MSRA: variants seen among roughly 807,000 people sequenced by gnomAD.
MSRA encodes methionine sulfoxide reductase A, also known as mitochondrial peptide methionine sulfoxide reductase.
Under a neutral mutation model 31.3 loss-of-function variants are expected in MSRA, and 54 were observed. The observed-to-expected ratio is 1.73, with a 90% CI of 1.39 to 2.17. The LOEUF (loss-of-function observed/expected upper bound fraction) is 2.17. Among genes scored for constraint, MSRA ranks in the 30% most tolerant of loss-of-function variants. MSRA has a pLI of 0.00. For synonymous variants in MSRA, 169 were observed against 116.5 expected, an observed-to-expected ratio of 1.45 and a Z score of -2.90; for missense variants, 507 against 300.9, an observed-to-expected ratio of 1.69 and a Z score of -5.07.
At chr8:10,251,643 C>T (rs1312960525) in intron 3 of MSRA, among the ~76,000 whole-genome samples, 1 of 152,104 alleles carries the variant, frequency 6.6e-6, no homozygotes, top group Non-Finnish European at 1.5e-5. Context: ...TTGACTCATA[C>T]CCTTAGGACC....
At chr8:10,109,374 C>G (rs942907332) in intron 1 of MSRA, among the ~76,000 whole-genome samples, 1 of 150,762 alleles carries the variant, frequency 6.6e-6, no homozygotes. Context: ...TGGGGTCTTA[C>G]TCTGTCACCC....
At chr8:10,096,760 T>C (rs1382780535) in intron 1 of MSRA, among the ~76,000 whole-genome samples, 2 of 152,206 alleles carry the variant, frequency 1.3e-5, no homozygotes, top group South Asian at 2.1e-4. Context: ...TGGATTGTGA[T>C]AGTTCTGTTC....
In MSRA at chr8:10,396,078, G is replaced by A. The variant is rs140565227; in HGVS notation, c.544-32070G>A. Among the ~76,000 whole-genome samples the A allele has an allele frequency of 1.7e-3, 266 of 152,218 alleles. 5 individuals carry two copies. The highest frequency in any genetic ancestry group is 6.1e-3 in the African/African-American group (252 of 41,536). Reference sequence around the variant, plus strand: ...CCCCTTCCCACAAGGGCCCTTAGAGGCACCTTTTCATCTCTCAGGCCTGAT... The same window carrying A: ...CCCCTTCCCACAAGGGCCCTTAGAGACACCTTTTCATCTCTCAGGCCTGAT... On this transcript the variant is annotated intron_variant, in intron 5 of 5. Transcript: ENST00000317173.
chr8:10,415,417 G>A (rs1242777764), intron 5 of MSRA, among the ~76,000 whole-genome samples: 2 of 152,190 alleles, frequency 1.3e-5, no homozygotes, highest in African/African-American at 4.8e-5. Context: ...GAGCCTCAGA[G>A]GCACCTGCTG....
chr8:10,306,258 T>C (rs1006211710), intron 4 of MSRA, among the ~76,000 whole-genome samples: 4 of 152,142 alleles, frequency 2.6e-5, no homozygotes, highest in South Asian at 2.1e-4. Flanking sequence ...GGGATAATAA[T>C]GTCTATACTG....
chr8:10,223,690 A>T (rs1810727631), intron 2 of MSRA, among the ~76,000 whole-genome samples: 1 of 152,218 alleles, frequency 6.6e-6, no homozygotes, highest in South Asian at 2.1e-4. Context: ...CAGAAAATGT[A>T]TTTGAGGAAA....
At chr8:10,139,035 G>C (rs1474625213) in intron 1 of MSRA, among the ~76,000 whole-genome samples, 1 of 152,136 alleles carries the variant, frequency 6.6e-6, no homozygotes. Flanking sequence ...GTTCTTTTGA[G>C]ATCTAAGATT....
chr8:10,216,408 TGTG>T (rs942681684), intron 2 of MSRA, among the ~76,000 whole-genome samples: 1 of 150,874 alleles, frequency 6.6e-6, no homozygotes, highest in African/African-American at 2.4e-5. Context: ...TTTAAAAAAT[TGTG>T]GTAACAGATA....
intron 5 of MSRA, among the ~76,000 whole-genome samples, chr8:10,350,402 C>T (rs913006703): frequency 5.9e-5 from 9 of 152,242 alleles, no homozygotes; most frequent in African/African-American, 1.9e-4. Flanking sequence ...ATGCTTCTGC[C>T]TTCGCTCATT....
At chr8:10,277,103 A>T (rs756722748) in intron 3 of MSRA, among the ~76,000 whole-genome samples, 2 of 152,222 alleles carry the variant, frequency 1.3e-5, no homozygotes, top group East Asian at 3.8e-4. Flanking sequence ...GCAGTGGATT[A>T]TAGTGGAAGG....
intron 1 of MSRA, among the ~76,000 whole-genome samples, chr8:10,063,290 T>C (rs1337704164): frequency 6.6e-6 from 1 of 152,180 alleles, no homozygotes; most frequent in African/African-American, 2.4e-5. Flanking sequence ...CTGTCTTCAC[T>C]CTCCCCTGCC....
chr8:10,316,069 C>A (rs1260229140), intron 4 of MSRA, among the ~76,000 whole-genome samples: 1 of 152,150 alleles, frequency 6.6e-6, no homozygotes, highest in South Asian at 2.1e-4. Flanking sequence ...ATATGTGGCA[C>A]CTCTGTTAAA....
At chr8:10,199,693 A>C (rs1001103596) in intron 1 of MSRA, among the ~76,000 whole-genome samples, 1 of 152,164 alleles carries the variant, frequency 6.6e-6, no homozygotes, top group Non-Finnish European at 1.5e-5. Flanking sequence ...GCAGCAGGCA[A>C]ATCATGAGAA....
chr8:10,302,475 G>A (rs7821327), intron 4 of MSRA, among the ~76,000 whole-genome samples: 30,640 of 152,124 alleles, frequency 0.2, 4,153 homozygotes, highest in East Asian at 0.64. Context: ...TCAGATTTTT[G>A]TGTAGTGGAT....
intron 5 of MSRA, among the ~76,000 whole-genome samples, chr8:10,324,557 G>C (rs1256400642): frequency 6.6e-6 from 1 of 152,190 alleles, no homozygotes; most frequent in African/African-American, 2.4e-5. Context: ...AGGAACCAAA[G>C]TGTCTCTTTG....
At chr8:10,380,742 G>A (rs1806017038) in intron 5 of MSRA, among the ~76,000 whole-genome samples, 1 of 152,038 alleles carries the variant, frequency 6.6e-6, no homozygotes, top group South Asian at 2.1e-4. Flanking sequence ...ATGGAAGGAG[G>A]GAGATGCATG....
At chr8:10,163,578 A>G (rs564256647) in intron 1 of MSRA, among the ~76,000 whole-genome samples, 2 of 152,248 alleles carry the variant, frequency 1.3e-5, no homozygotes, top group African/African-American at 4.8e-5. Flanking sequence ...CCCACGCTGG[A>G]AAGTCAGATA....
At chr8:10,230,991 G>A (rs368520546) in intron 2 of MSRA, among the ~76,000 whole-genome samples, 1 of 152,180 alleles carries the variant, frequency 6.6e-6, no homozygotes, top group African/African-American at 2.4e-5. Context: ...CACCGTGTTG[G>A]CCAGGCGAGT....
At chr8:10,283,056 C>T (rs770656975) in intron 3 of MSRA, among the ~76,000 whole-genome samples, 1 of 151,590 alleles carries the variant, frequency 6.6e-6, no homozygotes, top group Non-Finnish European at 1.5e-5. Context: ...TAAACCTGGT[C>T]CAAAAGACTT....
Sources: allele counts gnomAD v4.1 joint callset (sites outside exome capture counted in the v4.1 genomes callset), GRCh38; gene constraint gnomAD v4.1.1; transcripts MANE v1.5; gene names NCBI Gene and HGNC (gene_info 2026-07-23, HGNC 2026-07-21).